The following DCAF1 variants were observed in gnomAD, a reference collection of about 807,000 sequenced individuals.
The protein encoded by DCAF1 is DDB1- and CUL4-associated factor 1.
In DCAF1, 15 loss-of-function variants were observed where a neutral mutation model predicts 128.0. That is an observed-to-expected ratio of 0.12 (90% CI 0.08 to 0.18). The LOEUF (loss-of-function observed/expected upper bound fraction) is 0.18. Ranked by LOEUF, DCAF1 falls within the 10% of genes least tolerant of loss-of-function variation. The pLI, the probability that DCAF1 is intolerant of heterozygous loss-of-function variation, is 1.00. For synonymous variants in DCAF1, 610 were observed against 603.0 expected (o/e 1.01, Z -0.17); for missense variants, 988 against 1,649.5 (o/e 0.60, Z 6.95).
upstream of DCAF1, among the ~76,000 whole-genome samples, chr3:51,502,414 G>A (rs577224008): frequency 2.6e-5 from 4 of 152,100 alleles, no homozygotes; most frequent in South Asian, 2.1e-4. Context: ...AAAATTTGCC[G>A]GACGTGGTGG....
At chr3:51,486,875 G>T (rs1460351766) in intron 2 of DCAF1, among the ~76,000 whole-genome samples, 1 of 151,808 alleles carries the variant, frequency 6.6e-6, no homozygotes, top group Non-Finnish European at 1.5e-5. Context: ...CTCATGATCC[G>T]CCTGCCTCGG....
intron 6 of DCAF1, among the ~76,000 whole-genome samples, chr3:51,452,954 T>C (rs1337356349): frequency 1.4e-5 from 2 of 147,998 alleles, no homozygotes; most frequent in African/African-American, 5.0e-5. Flanking sequence ...AGGTGGAGGT[T>C]GCAGTGAGCC....
chr3:51,493,834 T>A (rs1350184063), intron 2 of DCAF1, among the ~76,000 whole-genome samples: 1 of 151,692 alleles, frequency 6.6e-6, no homozygotes, highest in Non-Finnish European at 1.5e-5. Context: ...CCGTCTCTAC[T>A]GAAAGTACAA....
chr3:51,492,335 G>T (rs1331680240), intron 2 of DCAF1, among the ~76,000 whole-genome samples: 1 of 151,840 alleles, frequency 6.6e-6, no homozygotes, highest in Non-Finnish European at 1.5e-5. Flanking sequence ...CCAACAAGTT[G>T]AAACCCCATC....
At chr3:51,397,164 A>G (rs1553623264), downstream of DCAF1, 1 of 167,070 alleles carries the variant, frequency 6.0e-6, no homozygotes, top group African/African-American at 2.4e-5. Context: ...GATAATACCT[A>G]TGTAACAAAC....
intron 24 of DCAF1, among the ~76,000 whole-genome samples, chr3:51,399,118 TC>T (rs1553624142): frequency 6.6e-6 from 1 of 151,968 alleles, no homozygotes; most frequent in South Asian, 2.1e-4. Flanking sequence ...ATCTGAAGCT[TC>T]CCCCCATGCC....
chr3:51,453,778 C>G (rs1358000699), intron 6 of DCAF1, among the ~76,000 whole-genome samples: 1 of 152,004 alleles, frequency 6.6e-6, no homozygotes, highest in Non-Finnish European at 1.5e-5. Context: ...CATGGAGAAA[C>G]CCCATCTCTA....
At chr3:51,464,866 C>T (rs1213039635) in intron 5 of DCAF1, among the ~76,000 whole-genome samples, 6 of 152,016 alleles carry the variant, frequency 3.9e-5, no homozygotes, top group African/African-American at 1.2e-4. Context: ...TCTAAGGAAA[C>T]GTTGGAGGAG....
chr3:51,429,677 T>A (rs2107535171), intron 11 of DCAF1, among the ~76,000 whole-genome samples: 1 of 152,190 alleles, frequency 6.6e-6, no homozygotes, highest in South Asian at 2.1e-4. Context: ...ATGCTAACAG[T>A]AGCTATATGA....
At chr3:51,444,630 G>C (rs1701666986) in intron 6 of DCAF1, among the ~76,000 whole-genome samples, 2 of 151,894 alleles carry the variant, frequency 1.3e-5, no homozygotes. Context: ...GGGATTACAG[G>C]CGTGAGCAAC....
chr3:51,484,094 A>C (rs1553654212), intron 2 of DCAF1, among the ~76,000 whole-genome samples: 1 of 152,152 alleles, frequency 6.6e-6, no homozygotes, highest in Non-Finnish European at 1.5e-5. Flanking sequence ...ATGAGGCAAG[A>C]AGCTGGATCA....
At chr3:51,401,832 C>T (rs967717948) in intron 24 of DCAF1, among the ~76,000 whole-genome samples, 1 of 152,224 alleles carries the variant, frequency 6.6e-6, no homozygotes, top group Non-Finnish European at 1.5e-5. Context: ...ACTATTCACA[C>T]GTGACAAAAA....
At chr3:51,424,735 G>C (rs1699754012) in intron 13 of DCAF1, among the ~76,000 whole-genome samples, 1 of 152,168 alleles carries the variant, frequency 6.6e-6, no homozygotes, top group African/African-American at 2.4e-5. Context: ...AAAAAAGCAA[G>C]CTGTGAAAGA....
intron 2 of DCAF1, among the ~76,000 whole-genome samples, chr3:51,486,839 G>A (rs1707020152): frequency 6.6e-6 from 1 of 151,806 alleles, no homozygotes; most frequent in Non-Finnish European, 1.5e-5. Flanking sequence ...TCACCATATT[G>A]GCCAGGCTGG....
chr3:51,445,044 T>C (rs985650718), intron 6 of DCAF1, among the ~76,000 whole-genome samples: 4 of 152,106 alleles, frequency 2.6e-5, no homozygotes, highest in Admixed American at 1.3e-4. Flanking sequence ...TCCAAAGAAC[T>C]TGAAAATCAC....
intron 10 of DCAF1, 69 bp downstream of exon 10, chr3:51,433,037 G>A (rs975890633): frequency 7.5e-6 from 3 of 397,634 alleles, no homozygotes; most frequent in Admixed American, 4.4e-5. Flanking sequence ...GTCATTCTGC[G>A]AATGTGATCT....
chr3:51,499,608 A>G (rs1553663210), intron 1 of DCAF1, among the ~76,000 whole-genome samples: 1 of 151,110 alleles, frequency 6.6e-6, no homozygotes, highest in African/African-American at 2.4e-5. Flanking sequence ...CTCCGGGCGG[A>G]AGAGTTACTC....
intron 13 of DCAF1, among the ~76,000 whole-genome samples, chr3:51,423,661 A>G (rs1196273262): frequency 6.6e-6 from 1 of 151,862 alleles, no homozygotes; most frequent in Non-Finnish European, 1.5e-5. Flanking sequence ...CTATTAAAAA[A>G]TACAAAAACC....
At chr3:51,437,900 AAAAAAG>A (rs1172962598) in intron 9 of DCAF1, among the ~76,000 whole-genome samples, 1 of 152,106 alleles carries the variant, frequency 6.6e-6, no homozygotes, top group Admixed American at 6.6e-5. Flanking sequence ...AAGAAAAAAG[AAAAAAG>A]AAAAAGAAAG....
Sources: allele counts gnomAD v4.1 joint callset (sites outside exome capture counted in the v4.1 genomes callset), GRCh38; gene constraint gnomAD v4.1.1; transcripts MANE v1.5; gene names NCBI Gene and HGNC (gene_info 2026-07-23, HGNC 2026-07-21).